Variants in NCK1 observed in about 807,000 individuals in gnomAD.
NCK1 encodes SH2/SH3 adapter protein NCK1.
Under a neutral mutation model 36.6 loss-of-function variants are expected in NCK1, and 19 were observed. The observed-to-expected ratio is 0.52, with a 90% CI of 0.36 to 0.76. The LOEUF is 0.76. Among genes scored for constraint, NCK1 ranks in the 30% least tolerant of loss-of-function variants. The probability of loss-of-function intolerance (pLI) is 0.00; values close to 1 mark genes in which losing one functional copy is unlikely to be tolerated. For synonymous variants in NCK1, 165 were observed against 156.0 expected (o/e 1.06, Z -0.43); for missense variants, 358 against 445.6 (o/e 0.80, Z 1.77).
chr3:136,915,761 C>T (rs1210587985), intron 1 of NCK1, among the ~76,000 whole-genome samples: 3 of 151,518 alleles, frequency 2.0e-5, no homozygotes, highest in Admixed American at 6.6e-5. Context: ...AGTCTCACTC[C>T]GTCATCCAGG....
chr3:136,892,304 T>C (rs183345748), intron 1 of NCK1, among the ~76,000 whole-genome samples: 8 of 152,350 alleles, frequency 5.3e-5, no homozygotes, highest in Admixed American at 5.2e-4. Flanking sequence ...GGTTACCTTT[T>C]CACTGTATTA....
At chr3:136,930,445 A>C in intron 2 of NCK1, 1 of 1,243,618 alleles carries the variant, frequency 8.0e-7, no homozygotes, top group South Asian at 3.6e-5. Flanking sequence ...GGTGTGGGCC[A>C]GGTCACATGG....
intron 1 of NCK1, among the ~76,000 whole-genome samples, chr3:136,916,965 G>A (rs1450186260): frequency 1.3e-5 from 2 of 152,098 alleles, no homozygotes; most frequent in African/African-American, 4.8e-5. Flanking sequence ...AGCATATTTT[G>A]CTTATAGGGG....
intron 1 of NCK1, among the ~76,000 whole-genome samples, chr3:136,894,326 C>G (rs1490917653): frequency 6.6e-6 from 1 of 152,152 alleles, no homozygotes; most frequent in African/African-American, 2.4e-5. Context: ...AACTTCTCTA[C>G]CCCTTGGTTT....
chr3:136,913,648 C>A (rs1005904492), intron 1 of NCK1, among the ~76,000 whole-genome samples: 1 of 151,966 alleles, frequency 6.6e-6, no homozygotes, highest in Non-Finnish European at 1.5e-5. Flanking sequence ...CAGTGATTTT[C>A]TTTTGTTTTG....
chr3:136,938,216 A>G (rs1023658722), intron 2 of NCK1, among the ~76,000 whole-genome samples: 5 of 152,060 alleles, frequency 3.3e-5, no homozygotes, highest in African/African-American at 1.2e-4. Context: ...ATTGATTTTC[A>G]TATGTTGAAC....
At chr3:136,890,212 C>T (rs1295173403) in intron 1 of NCK1, among the ~76,000 whole-genome samples, 2 of 152,192 alleles carry the variant, frequency 1.3e-5, no homozygotes, top group Admixed American at 1.3e-4. Context: ...CTGGGGGACC[C>T]AGTACACCCT....
At chr3:136,862,560 C>T (rs1201127421) in intron 1 of NCK1, among the ~76,000 whole-genome samples, 1 of 152,250 alleles carries the variant, frequency 6.6e-6, no homozygotes, top group East Asian at 1.9e-4. Flanking sequence ...CCGCGAGACC[C>T]TCGGGCCGTT....
chr3:136,865,115 G>A (rs1178343974), intron 1 of NCK1, among the ~76,000 whole-genome samples: 2 of 152,024 alleles, frequency 1.3e-5, no homozygotes, highest in African/African-American at 2.4e-5. Flanking sequence ...CTGCCACCAC[G>A]CCTGACTAAT....
At chr3:136,881,712 A>C (rs1040290892) in intron 1 of NCK1, among the ~76,000 whole-genome samples, 1 of 152,134 alleles carries the variant, frequency 6.6e-6, no homozygotes, top group African/African-American at 2.4e-5. Flanking sequence ...GGCAACCACT[A>C]TTCTTCATGT....
Position 136,868,960 on chromosome 3 carries a change from G to A in NCK1, c.-19+6607G>A, listed in dbSNP as rs574713635. On this transcript the variant is annotated intron_variant, in intron 1 of 3. Coordinates refer to ENST00000481752, the MANE Select transcript of NCK1 (RefSeq NM_001291999.2). ...CAAGACAAAATATCTTGTTGAGGCC[G>A]GGCGCGGTGGCTCACGTCTGTAATC... Among the ~76,000 whole-genome samples, 10 of 152,176 alleles carry A rather than the reference G, an allele frequency of 6.6e-5. No homozygotes were observed. The South Asian group carries it at 1.5e-3, about 22-fold the overall frequency.
chr3:136,933,297 A>T (rs1206003970), intron 2 of NCK1, among the ~76,000 whole-genome samples: 1 of 152,212 alleles, frequency 6.6e-6, no homozygotes, highest in Non-Finnish European at 1.5e-5. Flanking sequence ...TAACAATGGT[A>T]TTGAGAAACT....
chr3:136,895,359 G>T (rs1042583221), intron 1 of NCK1, among the ~76,000 whole-genome samples: 2 of 151,480 alleles, frequency 1.3e-5, no homozygotes, highest in African/African-American at 2.4e-5. Context: ...TTTTAATGTT[G>T]CAATAAAATT....
chr3:136,918,231 A>G (rs541635904), intron 1 of NCK1, among the ~76,000 whole-genome samples: 3 of 152,238 alleles, frequency 2.0e-5, no homozygotes, highest in South Asian at 4.1e-4. Flanking sequence ...TAATATATAC[A>G]TATTATCTCT....
rs1315968029 is a variant in NCK1, at chr3:136,951,556, G to A, written c.*3103G>A. Among the ~76,000 whole-genome samples the A allele has an allele frequency of 6.6e-6, 1 of 152,078 alleles. No homozygotes were observed. Among genetic ancestry groups the A allele is most frequent in the African/African-American group, 2.4e-5 (1 of 41,390 alleles). On this transcript the variant is annotated 3_prime_UTR_variant, in exon 4 of 4. Transcript: ENST00000481752. ...TCCTCTTATCTTTACCAGTGCACAT[G>A]GTGAAAAAATTCAAACAGTATAATA... is the stretch of plus-strand genomic sequence containing the variant.
At chr3:136,937,622 C>T (rs770640721) in intron 2 of NCK1, among the ~76,000 whole-genome samples, 26 of 152,080 alleles carry the variant, frequency 1.7e-4, no homozygotes, top group Admixed American at 3.9e-4. Flanking sequence ...TTTCTTTCAG[C>T]GGTGTTTTGC....
chr3:136,891,046 A>G (rs1939229991), intron 1 of NCK1, among the ~76,000 whole-genome samples: 1 of 152,202 alleles, frequency 6.6e-6, no homozygotes, highest in Admixed American at 6.5e-5. Context: ...GTTTATTCAC[A>G]TTGTAGCATG....
chr3:136,926,046 T>A (rs185548991), intron 1 of NCK1, among the ~76,000 whole-genome samples: 2 of 152,252 alleles, frequency 1.3e-5, no homozygotes, highest in Admixed American at 1.3e-4. Context: ...GACATCTCAG[T>A]GTGGTTTTAA....
At chr3:136,923,284 G>C (rs893306152) in intron 1 of NCK1, among the ~76,000 whole-genome samples, 3 of 143,152 alleles carry the variant, frequency 2.1e-5, no homozygotes, top group Admixed American at 1.5e-4. Context: ...GGCCGGGCGC[G>C]GTGGCTCACG....
Sources: allele counts gnomAD v4.1 joint callset (sites outside exome capture counted in the v4.1 genomes callset), GRCh38; gene constraint gnomAD v4.1.1; transcripts MANE v1.5; gene names NCBI Gene and HGNC (gene_info 2026-07-23, HGNC 2026-07-21).